Variants in UTRN observed in about 807,000 individuals in gnomAD.
The protein encoded by UTRN is dystrophin-related protein 1.
Under a neutral mutation model 463.9 loss-of-function variants are expected in UTRN, and 283 were observed. The ratio of observed to expected loss-of-function variants is 0.61; its 90% CI spans 0.55 to 0.67. The LOEUF is 0.67. Among genes scored for constraint, UTRN ranks in the 30% least tolerant of loss-of-function variants. The pLI, the probability that UTRN is intolerant of heterozygous loss-of-function variation, is 0.00. For synonymous variants in UTRN, 1,442 were observed against 1,431.5 expected, an observed-to-expected ratio of 1.01 and a Z score of -0.17; for missense variants, 3,922 against 4,084.3, an observed-to-expected ratio of 0.96 and a Z score of 1.08.
At chr6:144,673,760 G>A (rs1405800798) in intron 51 of UTRN, among the ~76,000 whole-genome samples, 3 of 152,108 alleles carry the variant, frequency 2.0e-5, no homozygotes, top group African/African-American at 7.2e-5. Context: ...ATGATTTAAG[G>A]AGATTATATT....
At chr6:144,612,847 C>T (rs1805670187) in intron 51 of UTRN, among the ~76,000 whole-genome samples, 1 of 152,070 alleles carries the variant, frequency 6.6e-6, no homozygotes, top group Non-Finnish European at 1.5e-5. Flanking sequence ...AATCCCACTT[C>T]TGGGTCTTTA....
intron 41 of UTRN, among the ~76,000 whole-genome samples, chr6:144,525,041 C>T (rs1562525175): frequency 6.6e-6 from 1 of 152,104 alleles, no homozygotes; most frequent in Admixed American, 6.5e-5. Context: ...TAGTATGAAA[C>T]CCACTTGATC....
intron 32 of UTRN, 58 bp from the exon 33 acceptor site, chr6:144,493,243 C>T (rs946094659): frequency 1.9e-6 from 3 of 1,557,720 alleles, no homozygotes; most frequent in African/African-American, 2.7e-5. Context: ...GACATGATGC[C>T]AGTTGGCAAG....
intron 25 of UTRN, among the ~76,000 whole-genome samples, chr6:144,478,408 G>A (rs956201550): frequency 6.6e-6 from 1 of 152,156 alleles, no homozygotes; most frequent in African/African-American, 2.4e-5. Flanking sequence ...TGGGGCCCAA[G>A]AATCTCTGTC....
At chr6:144,794,942 T>A (rs1354067281) in intron 63 of UTRN, among the ~76,000 whole-genome samples, 1 of 152,172 alleles carries the variant, frequency 6.6e-6, no homozygotes, top group Non-Finnish European at 1.5e-5. Flanking sequence ...TACATAGGTA[T>A]ACATGTGCCA....
chr6:144,612,358 A>G (rs1363347956), intron 51 of UTRN, among the ~76,000 whole-genome samples: 5 of 152,102 alleles, frequency 3.3e-5, no homozygotes, highest in Non-Finnish European at 7.4e-5. Context: ...AAAATAGGCA[A>G]ATGGGATTGA....
intron 2 of UTRN, among the ~76,000 whole-genome samples, chr6:144,301,327 G>A (rs931953808): frequency 5.3e-5 from 8 of 152,044 alleles, no homozygotes; most frequent in African/African-American, 1.9e-4. Flanking sequence ...GATACGTAAC[G>A]TGTTGTAAAT....
chr6:144,305,868 TTG>T (rs1805688897), intron 2 of UTRN, among the ~76,000 whole-genome samples: 1 of 152,248 alleles, frequency 6.6e-6, no homozygotes, highest in Non-Finnish European at 1.5e-5. Context: ...GGGAATGAAT[TTG>T]TGCATTGCCT....
rs1554339291 is a variant in UTRN, at chr6:144,690,074, GTTTTT to G, written c.7653-9995_7653-9991del. On this transcript the variant is annotated intron_variant, in intron 52 of 74. Coordinates refer to ENST00000367545, the MANE Select transcript of UTRN (RefSeq NM_007124.3). ...GGCCATAGAGCTCCCAAAAGTTTCTGTTTTTTTTTTTTTTTTTTTTTTGTGTGTGT... is the reference window on the plus strand; with the variant it reads ...GGCCATAGAGCTCCCAAAAGTTTCTGTTTTTTTTTTTTTTTTTGTGTGTGT... Among the ~76,000 whole-genome samples the G allele has an allele frequency of 1.2e-3, 36 of 31,266 alleles. 2 individuals carry two copies. Among genetic ancestry groups the G allele is most frequent in the Admixed American group, 6.1e-3 (11 of 1,802 alleles). 20.5% of individuals were successfully genotyped at this position (31,266 alleles called of 152,430 possible).
intron 54 of UTRN, among the ~76,000 whole-genome samples, chr6:144,744,604 T>G (rs991148574): frequency 9.7e-6 from 1 of 103,208 alleles, no homozygotes; most frequent in Non-Finnish European, 1.7e-5. Flanking sequence ...TGACAGGGCA[T>G]ACACACACAC....
At chr6:144,542,261 C>T (rs1562548752) in intron 45 of UTRN, among the ~76,000 whole-genome samples, 1 of 152,098 alleles carries the variant, frequency 6.6e-6, no homozygotes. Flanking sequence ...CAGATGTGGA[C>T]ATATCTGAAT....
intron 68 of UTRN, 28 bp from the exon 69 acceptor site, chr6:144,828,762 G>T: frequency 1.9e-6 from 3 of 1,611,012 alleles, no homozygotes; most frequent in Non-Finnish European, 8.5e-7. Context: ...TGGCCATGTT[G>T]TCTAACCTCC....
At chr6:144,697,418 A>C (rs1482912070) in intron 52 of UTRN, among the ~76,000 whole-genome samples, 1 of 152,158 alleles carries the variant, frequency 6.6e-6, no homozygotes, top group Non-Finnish European at 1.5e-5. Flanking sequence ...CGCAAATTTA[A>C]AGTTTCTTCT....
intron 65 of UTRN, among the ~76,000 whole-genome samples, chr6:144,809,113 T>C (rs1445563771): frequency 2.6e-5 from 4 of 152,194 alleles, no homozygotes; most frequent in South Asian, 2.1e-4. Flanking sequence ...GAACCAAAGA[T>C]AGTTCTTTAA....
At chr6:144,673,706 T>A (rs997361796) in intron 51 of UTRN, among the ~76,000 whole-genome samples, 1 of 151,978 alleles carries the variant, frequency 6.6e-6, no homozygotes, top group Non-Finnish European at 1.5e-5. Flanking sequence ...TGAATACCCT[T>A]TTTTAAAAAA....
At chr6:144,452,923 C>T (rs969555694) in intron 18 of UTRN, among the ~76,000 whole-genome samples, 1 of 143,930 alleles carries the variant, frequency 6.9e-6, no homozygotes, top group Non-Finnish European at 1.5e-5. Context: ...GCCTGGGTGA[C>T]AGAGTGACAA....
Position 144,437,680 on chromosome 6 carries a change from A to G in UTRN, c.1175A>G (p.Glu392Gly). ...LSDEEEFEIQ[E>G]QMTLLNARWE... ...GACGAAGAAGAATTTGAGATTCAGGAACAGATGACCCTGCTGAATGCTAGA... is the reference window on the plus strand; with the variant it reads ...GACGAAGAAGAATTTGAGATTCAGGGACAGATGACCCTGCTGAATGCTAGA... The change falls in exon 11 of 75, where the codon GAA becomes GGA. Residue 392 changes from glutamate (E) to glycine (G), a missense_variant. Around this residue, in one of 3 missense-constraint regions of UTRN, gnomAD observed 2,349 missense variants for 2,303.8 expected, o/e 1.02. Coordinates refer to ENST00000367545, the MANE Select transcript of UTRN (RefSeq NM_007124.3). The G allele has an allele frequency of 3.1e-6, 5 of 1,614,196 alleles. No individual in the cohort carries two copies. The highest frequency in any genetic ancestry group is 4.2e-6 in the Non-Finnish European group (5 of 1,180,026).
At chr6:144,383,302 T>C (rs535908696) in intron 2 of UTRN, among the ~76,000 whole-genome samples, 13 of 152,310 alleles carry the variant, frequency 8.5e-5, no homozygotes, top group Admixed American at 7.8e-4. Context: ...CCAGAAATAC[T>C]CCTGAATTTC....
Position 144,577,250 on chromosome 6 carries a change from G to A in UTRN, c.7441G>A (p.Asp2481Asn), listed in dbSNP as rs780384527. 1.2e-6 allele frequency: 2 copies of A among 1,613,870 alleles called. No individual in the cohort carries two copies. Residue 2481 changes from aspartate to asparagine, a missense_variant, in exon 51 of 75, where the codon GAT (aspartate) becomes AAT (asparagine). Asp to Asn is a conservative substitution (Grantham distance 23). Transcript: ENST00000367545. ...DASHRENALQ[D>N]SILARELKQQ... is the part of the protein sequence containing the mutation. ...CTCTCATCGGGAGAATGCTCTTCAG[G>A]ATAGTATCTTGGCCAGGGAACTCAA... is the stretch of plus-strand genomic sequence containing the variant.
Sources: gnomAD v4.1 joint callset for allele counts (sites outside exome capture counted in the v4.1 genomes callset) on GRCh38, gnomAD v4.1.1 for gene constraint, gnomAD v4.1.1 regional missense constraint, MANE v1.5 for transcripts, NCBI Gene and HGNC (gene_info 2026-07-23, HGNC 2026-07-21) for gene names.